The following CA10 variants were observed in gnomAD, a reference collection of about 807,000 sequenced individuals.
The protein encoded by CA10 is carbonic anhydrase 10 (inactive), also known as carbonic anhydrase-related protein 10.
A neutral mutation model predicts 44.2 loss-of-function variants in CA10; 14 were observed. The ratio of observed to expected loss-of-function variants is 0.32; its 90% CI spans 0.21 to 0.50. The LOEUF is 0.50. CA10 is among the 20% of genes least tolerant of loss of function. The pLI is 0.99. For missense variants in CA10, 350 were observed against 409.7 expected, an observed-to-expected ratio of 0.85 and a Z score of 1.26; for synonymous variants, 159 against 141.6, an observed-to-expected ratio of 1.12 and a Z score of -0.87.
chr17:51,911,055 A>AC (rs1250056854), intron 3 of CA10, among the ~76,000 whole-genome samples: 1 of 152,096 alleles, frequency 6.6e-6, no homozygotes, highest in Non-Finnish European at 1.5e-5. Flanking sequence ...AAAAGTGGAG[A>AC]CGGCTGTGGG....
At chr17:51,851,085 C>A (rs1978773554) in intron 3 of CA10, among the ~76,000 whole-genome samples, 1 of 152,212 alleles carries the variant, frequency 6.6e-6, no homozygotes, top group Admixed American at 6.5e-5. Flanking sequence ...AGCATGGAGT[C>A]TAGAAAGACC....
chr17:51,924,401 G>A (rs1025145859), intron 3 of CA10, among the ~76,000 whole-genome samples: 1 of 152,160 alleles, frequency 6.6e-6, no homozygotes, highest in Non-Finnish European at 1.5e-5. Flanking sequence ...TGAATGCCAG[G>A]CTGAAGCATT....
At chr17:51,726,467 T>G (rs930072986) in intron 4 of CA10, among the ~76,000 whole-genome samples, 11 of 152,344 alleles carry the variant, frequency 7.2e-5, no homozygotes, top group Non-Finnish European at 1.3e-4. Context: ...AAACGATAAG[T>G]GTGCAAGATG....
At chr17:51,656,831 T>G (rs1913813302) in intron 4 of CA10, among the ~76,000 whole-genome samples, 1 of 152,220 alleles carries the variant, frequency 6.6e-6, no homozygotes, top group African/African-American at 2.4e-5. Context: ...TAGCAGATAC[T>G]GTTGGCTGGT....
intron 2 of CA10, among the ~76,000 whole-genome samples, chr17:51,931,755 A>G (rs1982671410): frequency 6.6e-6 from 1 of 152,168 alleles, no homozygotes; most frequent in Non-Finnish European, 1.5e-5. Context: ...TTTGATAGGC[A>G]GAAAAATGAC....
At chr17:51,817,723 C>G (rs1418893706) in intron 3 of CA10, among the ~76,000 whole-genome samples, 1 of 152,180 alleles carries the variant, frequency 6.6e-6, no homozygotes, top group Non-Finnish European at 1.5e-5. Context: ...AAGACCAAAG[C>G]TGGTTTGTCC....
At chr17:51,852,175 G>A (rs1052972353) in intron 3 of CA10, among the ~76,000 whole-genome samples, 3 of 152,178 alleles carry the variant, frequency 2.0e-5, no homozygotes, top group African/African-American at 7.2e-5. Context: ...CACCCGGTTT[G>A]TCACTTGCAA....
At chr17:51,899,779 C>A (rs1598107311) in intron 3 of CA10, among the ~76,000 whole-genome samples, 1 of 151,926 alleles carries the variant, frequency 6.6e-6, no homozygotes, top group East Asian at 1.9e-4. Flanking sequence ...TTGAATTCAA[C>A]CCTTAGCCAT....
At chr17:51,696,683 A>G (rs1915413907) in intron 4 of CA10, among the ~76,000 whole-genome samples, 1 of 151,976 alleles carries the variant, frequency 6.6e-6, no homozygotes, top group African/African-American at 2.4e-5. Flanking sequence ...TTAGATTGTT[A>G]ATCTGAGATC....
chr17:51,837,583 A>T (rs1382703102), intron 3 of CA10, among the ~76,000 whole-genome samples: 3 of 152,222 alleles, frequency 2.0e-5, no homozygotes, highest in African/African-American at 7.2e-5. Flanking sequence ...TTTATTCCAA[A>T]GCATTTGTCT....
chr17:51,767,448 G>A (rs902224185), intron 3 of CA10, among the ~76,000 whole-genome samples: 2 of 152,158 alleles, frequency 1.3e-5, no homozygotes, highest in Admixed American at 6.5e-5. Flanking sequence ...TTCCCCTAAT[G>A]TTGACATCTT....
intron 4 of CA10, among the ~76,000 whole-genome samples, chr17:51,686,476 T>C (rs1369012977): frequency 6.6e-6 from 1 of 152,144 alleles, no homozygotes; most frequent in Non-Finnish European, 1.5e-5. Context: ...ACACCTTCAA[T>C]TGACCTCTCC....
At position 51,636,007 on chromosome 17, in the gene CA10, C is replaced by T; in HGVS notation, c.637G>A (p.Asp213Asn). The change falls in exon 7 of 9, where the codon GAT becomes AAT. Residue 213 changes from aspartate (D) to asparagine (N), a missense_variant and splice_region_variant. By Grantham distance (23) the Asp-to-Asn change is conservative. Coordinates refer to ENST00000451037, the MANE Select transcript of CA10 (RefSeq NM_020178.5). ...DTITRITYKN[D>N]AYLLQGLNIE... ...TTAAGCCCCTGTAGTAAATATGCAT[C>T]ATCTAGAGAAGGAAAGAAGACTTAA... The T allele has an allele frequency of 6.4e-7, 1 of 1,557,218 alleles. No homozygotes were observed. Among genetic ancestry groups the T allele is most frequent in the Non-Finnish European group, 8.7e-7 (1 of 1,149,698 alleles).
At chr17:51,676,663 T>C (rs1161445477) in intron 4 of CA10, among the ~76,000 whole-genome samples, 2 of 152,224 alleles carry the variant, frequency 1.3e-5, no homozygotes, top group Non-Finnish European at 2.9e-5. Flanking sequence ...ATACTGCTTT[T>C]AGAGATAGCT....
chr17:51,660,093 G>A (rs1321308715), intron 4 of CA10, among the ~76,000 whole-genome samples: 1 of 152,168 alleles, frequency 6.6e-6, no homozygotes, highest in Non-Finnish European at 1.5e-5. Flanking sequence ...TCAAAGAGGA[G>A]CTATGTCTTG....
At chr17:52,095,595 T>A (rs186001801) in intron 1 of CA10, among the ~76,000 whole-genome samples, 157 of 152,286 alleles carry the variant, frequency 1.0e-3, no homozygotes, top group Non-Finnish European at 1.7e-3. Context: ...TATTAATAAT[T>A]AAGGTCCAAG....
chr17:52,142,484 C>T lies in CA10; in HGVS notation c.61+15242G>A, dbSNP rs187492065. ...TACTTTCATATGTCATTTAATAATG[C>T]TTATAAAAAATCACTGATGGGGTTA... On this transcript the variant is annotated intron_variant, in intron 1 of 8. Coordinates refer to ENST00000451037, the MANE Select transcript of CA10 (RefSeq NM_020178.5). 4.4e-3 allele frequency among the ~76,000 whole-genome samples: 663 copies of T among 152,178 alleles called. 2 individuals carry two copies. The highest frequency in any genetic ancestry group is 6.9e-3 in the Non-Finnish European group (469 of 68,004).
intron 2 of CA10, among the ~76,000 whole-genome samples, chr17:52,016,369 G>A (rs1001924357): frequency 2.0e-5 from 3 of 152,116 alleles, no homozygotes; most frequent in Non-Finnish European, 4.4e-5. Flanking sequence ...TATTTCCAGT[G>A]CATTGCAGAT....
intron 1 of CA10, among the ~76,000 whole-genome samples, chr17:52,123,870 A>G (rs1454167055): frequency 6.6e-6 from 1 of 152,246 alleles, no homozygotes; most frequent in Non-Finnish European, 1.5e-5. Flanking sequence ...TTAGAAAACC[A>G]TATTAAGATA....
Sources: gnomAD v4.1 joint callset for allele counts (sites outside exome capture counted in the v4.1 genomes callset) on GRCh38, gnomAD v4.1.1 for gene constraint, MANE v1.5 for transcripts, NCBI Gene and HGNC (gene_info 2026-07-23, HGNC 2026-07-21) for gene names.